Variants in MBD5 observed in about 807,000 individuals in gnomAD.
MBD5 encodes the protein methyl-CpG-binding domain protein 5.
MBD5 carries 13 observed loss-of-function variants against 117.3 expected under a neutral mutation model. The ratio of observed to expected loss-of-function variants is 0.11; its 90% CI spans 0.07 to 0.18. The LOEUF is 0.18. Among genes scored for constraint, MBD5 ranks in the 10% least tolerant of loss-of-function variants. The probability of loss-of-function intolerance (pLI) is 1.00; values close to 1 mark genes in which losing one functional copy is unlikely to be tolerated. For missense variants in MBD5, 1,879 were observed against 2,093.8 expected (o/e 0.90, Z 2.00); for synonymous variants, 727 against 766.4 (o/e 0.95, Z 0.85).
At position 148,496,292 on chromosome 2, in the gene MBD5, A is replaced by G. The variant is rs1344228562; in HGVS notation, c.4962+5698A>G. Reference sequence around the variant, plus strand: ...AATAAGAAAGATAAAATCCAGGCCAATAAAGTCAATTCCTGATCAGAATTT... The same window carrying G: ...AATAAGAAAGATAAAATCCAGGCCAGTAAAGTCAATTCCTGATCAGAATTT... On this transcript the variant is annotated intron_variant, in intron 11 of 13. Coordinates refer to ENST00000642680, the MANE Select transcript of MBD5 (RefSeq NM_001378120.1). Among the ~76,000 whole-genome samples, 3 of 152,222 alleles carry G rather than the reference A, an allele frequency of 2.0e-5. No homozygotes were observed. The East Asian group carries it at 5.8e-4, about 29-fold the overall frequency.
intron 4 of MBD5, among the ~76,000 whole-genome samples, chr2:148,452,662 C>A (rs142274897): frequency 1.1e-3 from 175 of 152,214 alleles, no homozygotes; most frequent in African/African-American, 4.0e-3. Context: ...TATTGCTACA[C>A]TTGTTTATTT....
chr2:148,387,880 G>A (rs551941339), intron 4 of MBD5, among the ~76,000 whole-genome samples: 4 of 152,018 alleles, frequency 2.6e-5, no homozygotes, highest in East Asian at 3.9e-4. Context: ...TAGTTTATAC[G>A]AATATATTAG....
chr2:148,404,767 G>T (rs1481204318), intron 4 of MBD5, among the ~76,000 whole-genome samples: 1 of 152,134 alleles, frequency 6.6e-6, no homozygotes, highest in African/African-American at 2.4e-5. Flanking sequence ...GTTGTTTCAG[G>T]CAGGAGGGCA....
At chr2:148,252,496 CAT>C (rs71406015) in intron 3 of MBD5, among the ~76,000 whole-genome samples, 35,080 of 151,846 alleles carry the variant, frequency 0.23, 4,416 homozygotes, top group East Asian at 0.53. Flanking sequence ...GATACAGACT[CAT>C]ATTCTAGTTA....
chr2:148,183,093 A>T (rs1400818596), intron 2 of MBD5, among the ~76,000 whole-genome samples: 1 of 152,202 alleles, frequency 6.6e-6, no homozygotes, highest in African/African-American at 2.4e-5. Context: ...ACTTCTGGTT[A>T]TATGTGTCAA....
At chr2:148,072,601 G>A (rs962079616) in intron 1 of MBD5, among the ~76,000 whole-genome samples, 1 of 152,066 alleles carries the variant, frequency 6.6e-6, no homozygotes, top group African/African-American at 2.4e-5. Flanking sequence ...GATTTAATAC[G>A]ACGTGCCTCT....
chr2:148,102,784 C>G (rs1340012732), intron 1 of MBD5, among the ~76,000 whole-genome samples: 2 of 112,994 alleles, frequency 1.8e-5, no homozygotes, highest in African/African-American at 3.5e-5. Flanking sequence ...AGAGAGAGAT[C>G]CAAATCGTTT....
At chr2:148,157,872 GAA>G (rs1334030193) in intron 1 of MBD5, among the ~76,000 whole-genome samples, 2 of 152,074 alleles carry the variant, frequency 1.3e-5, no homozygotes, top group African/African-American at 4.8e-5. Context: ...AATATATATT[GAA>G]AACATTTAAA....
In MBD5 at chr2:148,311,429, T is replaced by C. The variant is rs565081251; in HGVS notation, c.-679-30785T>C. On this transcript the variant is annotated intron_variant, in intron 3 of 13. Transcript: ENST00000642680. ...GCCCTTCTTTGTCTTTTTTTACCTT[T>C]GTTGGTTTAAAGTCTGTTTTATCAG... 1.0e-3 allele frequency among the ~76,000 whole-genome samples: 156 copies of C among 152,344 alleles called. 2 individuals are homozygous for C. In the South Asian group the frequency reaches 0.031, roughly 31 times the overall value.
At chr2:148,027,768 A>C (rs1179560818) in intron 1 of MBD5, 4 of 152,188 alleles carry the variant, frequency 2.6e-5, no homozygotes, top group Admixed American at 6.5e-5. Flanking sequence ...ATGCCAGTAC[A>C]TAATGACCTG....
intron 4 of MBD5, among the ~76,000 whole-genome samples, chr2:148,400,822 AT>A (rs938102442): frequency 1.3e-5 from 2 of 151,982 alleles, no homozygotes; most frequent in African/African-American, 4.8e-5. Context: ...ATTTAAGGTG[AT>A]TTTTTACCCT....
intron 1 of MBD5, chr2:148,024,858 C>T (rs1032496623): frequency 4.6e-5 from 7 of 152,066 alleles, no homozygotes; most frequent in East Asian, 1.9e-4. Context: ...TTTCATTGAC[C>T]GGTGCAATAG....
rs147019477 is a variant in MBD5 at position 148,420,936 on chromosome 2, C to T, written c.-556-37267C>T. The stretch of plus-strand genomic sequence containing the variant: ...TAGTGACAGGGTTTTGCCATTTTGC[C>T]GAGGCTGGTCTTGAATTCCTGGGCT... On this transcript the variant is annotated intron_variant, in intron 4 of 13. Transcript: ENST00000642680. Among the ~76,000 whole-genome samples, 92 of 152,148 alleles carry T rather than the reference C, an allele frequency of 6.0e-4. 2 individuals carry two copies. In the East Asian group the frequency reaches 0.016, roughly 27 times the overall value.
At chr2:148,421,159 G>A (rs923433652) in intron 4 of MBD5, among the ~76,000 whole-genome samples, 4 of 152,280 alleles carry the variant, frequency 2.6e-5, no homozygotes, top group South Asian at 4.1e-4. Context: ...GAACAGCTCC[G>A]GTCTGCAGCT....
chr2:148,024,298 A>T (rs1693841701), intron 1 of MBD5, among the ~76,000 whole-genome samples: 1 of 152,126 alleles, frequency 6.6e-6, no homozygotes, highest in South Asian at 2.1e-4. Context: ...TTTCTCTAAT[A>T]CTTATTTTCC....
In MBD5 at chr2:148,396,499, A is replaced by G. The variant is rs193001359; in HGVS notation, c.-557+54163A>G. On this transcript the variant is annotated intron_variant, in intron 4 of 13. Coordinates refer to ENST00000642680, the MANE Select transcript of MBD5 (RefSeq NM_001378120.1). ...ATTCTTTCTTTTTTTCCTTTTGTAGATTCCATGCTTACCTACTACTTTTTT... is the reference window on the plus strand; with the variant it reads ...ATTCTTTCTTTTTTTCCTTTTGTAGGTTCCATGCTTACCTACTACTTTTTT... 9.5e-4 allele frequency among the ~76,000 whole-genome samples: 145 copies of G among 152,142 alleles called. 1 individual carries two copies. Among genetic ancestry groups the G allele is most frequent in the African/African-American group, 3.2e-3 (134 of 41,468 alleles).
chr2:148,165,411 A>G (rs978623681), intron 1 of MBD5, among the ~76,000 whole-genome samples: 1 of 152,072 alleles, frequency 6.6e-6, no homozygotes, highest in Non-Finnish European at 1.5e-5. Context: ...TTAACCCAAT[A>G]TAGAAGCATA....
At chr2:148,494,947 A>G (rs959502596) in intron 11 of MBD5, among the ~76,000 whole-genome samples, 1 of 152,188 alleles carries the variant, frequency 6.6e-6, no homozygotes, top group African/African-American at 2.4e-5. Flanking sequence ...TGGGCGACAG[A>G]GCGAGGCTCT....
At chr2:148,478,978 A>G (rs1469461943) in intron 8 of MBD5, among the ~76,000 whole-genome samples, 4 of 152,154 alleles carry the variant, frequency 2.6e-5, no homozygotes, top group Non-Finnish European at 5.9e-5. Flanking sequence ...TTAACAAAAC[A>G]TTTTTCCCCA....
Sources: allele counts gnomAD v4.1 joint callset (sites outside exome capture counted in the v4.1 genomes callset), GRCh38; gene constraint gnomAD v4.1.1; transcripts MANE v1.5; gene names NCBI Gene and HGNC (gene_info 2026-07-23, HGNC 2026-07-21).